Variants in MFSD8 observed in about 807,000 individuals in gnomAD.
MFSD8 encodes major facilitator superfamily domain-containing protein 8.
MFSD8 carries 55 observed loss-of-function variants against 66.4 expected under a neutral mutation model. That is an observed-to-expected ratio of 0.83 (90% CI 0.67 to 1.04). The LOEUF (loss-of-function observed/expected upper bound fraction) is 1.04. Ranked by LOEUF, MFSD8 falls within the 50% of genes least tolerant of loss-of-function variation. MFSD8 has a pLI of 0.00. For synonymous variants in MFSD8, 202 were observed against 212.8 expected (o/e 0.95, Z 0.44); for missense variants, 550 against 627.6 (o/e 0.88, Z 1.32).
In MFSD8 at chr4:127,918,794, A is replaced by G. The variant is rs1359237349; in HGVS notation, c.*1836T>C. ...CTCCATAAGACTGCTGTAAGAATTA[A>G]ATTGTATGTTACACATTACCTGGAA... On this transcript the variant is annotated 3_prime_UTR_variant, in exon 12 of 12. Coordinates refer to ENST00000641686, the MANE Select transcript of MFSD8 (RefSeq NM_001371596.2). 2.6e-5 allele frequency: 4 copies of G among 152,218 alleles called. No individual in the cohort carries two copies. The highest frequency in any genetic ancestry group is 5.9e-5 in the Non-Finnish European group (4 of 68,034). The allele number at this position is 152,218 out of a possible 1,614,324, so 9.4% of individuals were successfully genotyped here.
chr4:127,956,236 T>C (rs1055381358), intron 2 of MFSD8, among the ~76,000 whole-genome samples: 3 of 152,082 alleles, frequency 2.0e-5, no homozygotes, highest in Non-Finnish European at 4.4e-5. Context: ...CCAGGTGCGG[T>C]GGCTCAGGCC....
chr4:127,922,635 A>G (rs1736504642), intron 9 of MFSD8, among the ~76,000 whole-genome samples: 1 of 152,132 alleles, frequency 6.6e-6, no homozygotes, highest in Non-Finnish European at 1.5e-5. Context: ...CAAAAAAAAA[A>G]AAAGTGTTAT....
intron 3 of MFSD8, chr4:127,945,475 G>C (rs917855598): frequency 6.6e-6 from 1 of 151,932 alleles, no homozygotes; most frequent in East Asian, 1.9e-4. Flanking sequence ...GTGCCACCAC[G>C]TGGGCACAGC....
At chr4:127,943,485 G>C in intron 4 of MFSD8, 1 of 398,594 alleles carries the variant, frequency 2.5e-6, no homozygotes, top group Non-Finnish European at 4.6e-6. Context: ...CTCCTGAGTA[G>C]CTGGTATTAT....
At chr4:127,934,865 G>A (rs1192833226) in intron 7 of MFSD8, among the ~76,000 whole-genome samples, 1 of 131,842 alleles carries the variant, frequency 7.6e-6, no homozygotes, top group African/African-American at 2.9e-5. Flanking sequence ...CCTATGCCAG[G>A]TATTAATACA....
intron 5 of MFSD8, among the ~76,000 whole-genome samples, chr4:127,941,796 C>A (rs1740239364): frequency 6.6e-6 from 1 of 151,932 alleles, no homozygotes; most frequent in Admixed American, 6.6e-5. Flanking sequence ...AAAAGGGTGA[C>A]CTTGGACAAT....
chr4:127,921,428 A>C (rs1291713065), intron 11 of MFSD8, 96 bp downstream of exon 11: 4 of 1,588,512 alleles, frequency 2.5e-6, no homozygotes, highest in Non-Finnish European at 3.4e-6. Context: ...AAAATCCCTC[A>C]AATCAGTCTG....
rs377380428 is a variant in MFSD8, at chr4:127,961,039, G to T, written c.63-3447C>A. On this transcript the variant is annotated intron_variant, in intron 1 of 11. Transcript: ENST00000641686. ...CAGGAAATGTTTTCCAACCCCTGTT[G>T]TCTTAAATAAAGCTCCATAGAGGGG... 2.6e-4 allele frequency among the ~76,000 whole-genome samples: 40 copies of T among 152,146 alleles called. No individual in the cohort carries two copies. The East Asian group carries it at 7.3e-3, about 28-fold the overall frequency.
rs758005057 is a variant in MFSD8 at position 127,920,658 on chromosome 4, G to A, written c.1529C>T (p.Ser510Phe). The A allele has an allele frequency of 4.3e-6, 7 of 1,613,924 alleles. No homozygotes were observed. In the South Asian group the frequency reaches 4.4e-5, roughly 10 times the overall value. ...TTCCTGAATCCTCCCATATCTTACAGAAAGAGCAATGAGTCTTTTGTAAAC... is the reference window on the plus strand; with the variant it reads ...TTCCTGAATCCTCCCATATCTTACAAAAAGAGCAATGAGTCTTTTGTAAAC... ...GVVYKRLIAL[S>F]VRYGRIQE Residue 510 changes from serine (S) to phenylalanine (F), a missense_variant, in exon 12 of 12, where the codon TCT (serine) becomes TTT (phenylalanine). By Grantham distance (155) the Ser-to-Phe change is radical. Transcript: ENST00000641686.
intron 6 of MFSD8, 122 bp downstream of exon 6, chr4:127,939,731 T>C (rs1248993718): frequency 9.2e-7 from 1 of 1,086,558 alleles, no homozygotes; most frequent in Non-Finnish European, 1.3e-6. Context: ...CCAAAAAATA[T>C]AAACAAACTA....
intron 9 of MFSD8, among the ~76,000 whole-genome samples, chr4:127,929,399 A>C (rs1278862520): frequency 3.4e-5 from 5 of 148,734 alleles, no homozygotes; most frequent in Non-Finnish European, 5.9e-5. Flanking sequence ...AAACAAAGCA[A>C]GATCTTGTCT....
At chr4:127,951,607 C>G (rs1478543548) in intron 2 of MFSD8, among the ~76,000 whole-genome samples, 1 of 152,166 alleles carries the variant, frequency 6.6e-6, no homozygotes, top group African/African-American at 2.4e-5. Flanking sequence ...TTCATCCCCT[C>G]TCCTGCCAGC....
chr4:127,953,959 T>C (rs1396778303), intron 2 of MFSD8, among the ~76,000 whole-genome samples: 1 of 152,198 alleles, frequency 6.6e-6, no homozygotes, highest in Non-Finnish European at 1.5e-5. Context: ...GGAAAATATA[T>C]GGAAAGCAAT....
chr4:127,950,567 G>A (rs1268695146), intron 2 of MFSD8, among the ~76,000 whole-genome samples: 1 of 152,024 alleles, frequency 6.6e-6, no homozygotes, highest in Non-Finnish European at 1.5e-5. Flanking sequence ...GCACATGCCT[G>A]TAATCCCAGC....
intron 1 of MFSD8, among the ~76,000 whole-genome samples, chr4:127,958,290 T>C (rs1743211510): frequency 6.6e-6 from 1 of 152,204 alleles, no homozygotes; most frequent in South Asian, 2.1e-4. Context: ...ATATACTCAT[T>C]ACATTTTCAC....
chr4:127,923,351 T>C (rs1168129280), intron 9 of MFSD8, among the ~76,000 whole-genome samples: 1 of 152,078 alleles, frequency 6.6e-6, no homozygotes, highest in Non-Finnish European at 1.5e-5. Flanking sequence ...TGTTGAATTT[T>C]ATCAAAGGCC....
chr4:127,920,754 T>C lies in MFSD8; in HGVS notation c.1433A>G (p.His478Arg), dbSNP rs1736225136. The C allele has an allele frequency of 1.5e-5, 25 of 1,614,080 alleles. No individual in the cohort carries two copies. The highest frequency in any genetic ancestry group is 2.1e-5 in the Non-Finnish European group (25 of 1,180,002). Residue 478 changes from histidine to arginine, a missense_variant, in exon 12 of 12, where the codon CAC becomes CGC. By Grantham distance (29) the His-to-Arg change is conservative (BLOSUM62 0). Coordinates refer to ENST00000641686, the MANE Select transcript of MFSD8 (RefSeq NM_001371596.2). ...GCTGAATGCCCATCGTGGTCCCCAG[T>C]GAGCATACACTTGGCTGATGAACAT... is the stretch of plus-strand genomic sequence containing the variant. ...GPMFISQVYA[H>R]WGPRWAFSLV...
At chr4:127,944,121 A>C in intron 3 of MFSD8, 129 bp from the exon 4 acceptor site, 1 of 1,242,740 alleles carries the variant, frequency 8.0e-7, no homozygotes, top group Non-Finnish European at 1.1e-6. Context: ...GTTTTATAAC[A>C]CTATTACTTA....
At chr4:127,941,080 C>T (rs1182823846) in intron 5 of MFSD8, among the ~76,000 whole-genome samples, 5 of 152,130 alleles carry the variant, frequency 3.3e-5, no homozygotes, top group African/African-American at 9.7e-5. Flanking sequence ...ATGCTAGATA[C>T]TGAGGGTAGA....
Sources: allele counts gnomAD v4.1 joint callset (sites outside exome capture counted in the v4.1 genomes callset), GRCh38; gene constraint gnomAD v4.1.1; transcripts MANE v1.5; gene names NCBI Gene and HGNC (gene_info 2026-07-23, HGNC 2026-07-21).